Variants in CSMD3 observed in about 807,000 individuals in gnomAD.
The protein encoded by CSMD3 is CUB and Sushi multiple domains 3.
CSMD3 carries 177 observed loss-of-function variants against 435.2 expected under a neutral mutation model. The observed-to-expected ratio is 0.41, with a 90% confidence interval of 0.36 to 0.46. CSMD3 has a LOEUF of 0.46. CSMD3 is among the 20% of genes least tolerant of loss of function. The pLI is 0.34. For missense variants in CSMD3, 4,265 were observed against 4,504.6 expected, an observed-to-expected ratio of 0.95 and a Z score of 1.52; for synonymous variants, 1,656 against 1,520.5, an observed-to-expected ratio of 1.09 and a Z score of -2.07.
At chr8:112,363,419 T>C (rs1429059087) in intron 38 of CSMD3, among the ~76,000 whole-genome samples, 1 of 151,846 alleles carries the variant, frequency 6.6e-6, no homozygotes, top group Non-Finnish European at 1.5e-5. Context: ...TCTAGTAGTA[T>C]TAATACAAAA....
At chr8:113,038,161 C>T (rs561752915) in intron 5 of CSMD3, among the ~76,000 whole-genome samples, 7 of 151,858 alleles carry the variant, frequency 4.6e-5, no homozygotes, top group Non-Finnish European at 7.4e-5. Context: ...AGTCAACATA[C>T]GTATTACTTA....
At chr8:112,449,878 A>G (rs557106978) in intron 32 of CSMD3, among the ~76,000 whole-genome samples, 6 of 151,970 alleles carry the variant, frequency 3.9e-5, no homozygotes, top group Non-Finnish European at 8.8e-5. Context: ...ACCCGCCACC[A>G]CGCCTGGCTA....
At chr8:112,335,730 T>C (rs1824492106) in intron 44 of CSMD3, among the ~76,000 whole-genome samples, 3 of 142,398 alleles carry the variant, frequency 2.1e-5, no homozygotes, top group African/African-American at 7.8e-5. Context: ...ATCAATACAT[T>C]GTCTTTGTTT....
chr8:113,338,827 C>T (rs1415366032), intron 1 of CSMD3, among the ~76,000 whole-genome samples: 1 of 151,932 alleles, frequency 6.6e-6, no homozygotes, highest in Non-Finnish European at 1.5e-5. Flanking sequence ...TCTGAATATA[C>T]TGAAACTACT....
intron 4 of CSMD3, among the ~76,000 whole-genome samples, chr8:113,155,226 G>T (rs1363379380): frequency 1.3e-5 from 2 of 151,848 alleles, no homozygotes; most frequent in African/African-American, 4.8e-5. Context: ...TGTAAAAATC[G>T]CCCTAATCAA....
intron 32 of CSMD3, among the ~76,000 whole-genome samples, chr8:112,453,691 A>T (rs1816531927): frequency 6.6e-6 from 1 of 152,192 alleles, no homozygotes; most frequent in Non-Finnish European, 1.5e-5. Flanking sequence ...TATTGCCAAA[A>T]GCAATCTACA....
chr8:113,111,910 C>T (rs897581947), intron 4 of CSMD3, among the ~76,000 whole-genome samples: 1 of 151,962 alleles, frequency 6.6e-6, no homozygotes, highest in African/African-American at 2.4e-5. Context: ...GAACTCCTGA[C>T]CTCTAAACGA....
intron 13 of CSMD3, among the ~76,000 whole-genome samples, chr8:112,783,995 T>G (rs1002615391): frequency 6.6e-5 from 10 of 152,058 alleles, no homozygotes; most frequent in African/African-American, 2.4e-4. Flanking sequence ...CAATTATAGC[T>G]GGAGATTTAG....
At chr8:112,907,391 C>A (rs529038523) in intron 10 of CSMD3, among the ~76,000 whole-genome samples, 1 of 151,532 alleles carries the variant, frequency 6.6e-6, no homozygotes, top group South Asian at 2.1e-4. Flanking sequence ...GTGAAAATAA[C>A]ATAGAGCTGG....
chr8:112,520,348 T>A (rs1010109133), intron 27 of CSMD3, among the ~76,000 whole-genome samples: 6 of 152,046 alleles, frequency 3.9e-5, no homozygotes, highest in Non-Finnish European at 5.9e-5. Context: ...TAAAATGAGA[T>A]CTTAAGATCT....
At chr8:113,082,452 T>C (rs890554342) in intron 5 of CSMD3, among the ~76,000 whole-genome samples, 7 of 152,152 alleles carry the variant, frequency 4.6e-5, no homozygotes, top group African/African-American at 1.7e-4. Flanking sequence ...CAAAGCACTC[T>C]GTCCAACAGA....
chr8:113,427,290 T>C (rs932490305), intron 1 of CSMD3, among the ~76,000 whole-genome samples: 1 of 151,302 alleles, frequency 6.6e-6, no homozygotes, highest in African/African-American at 2.4e-5. Flanking sequence ...ATATCTATAT[T>C]CCCCCCAGTT....
At chr8:112,292,844 A>G (rs2130693439) in intron 54 of CSMD3, 134 bp from the exon 55 acceptor site, 4 of 772,704 alleles carry the variant, frequency 5.2e-6, no homozygotes, top group Non-Finnish European at 8.8e-6. Flanking sequence ...CTGGAAATAT[A>G]CGGAAAGTAC....
intron 1 of CSMD3, among the ~76,000 whole-genome samples, chr8:113,408,604 G>T (rs1199670145): frequency 6.6e-6 from 1 of 151,084 alleles, no homozygotes; most frequent in African/African-American, 2.4e-5. Context: ...AAAGGTGCAG[G>T]CAAAGAAGCA....
At chr8:113,157,230 T>G (rs2091952471) in intron 4 of CSMD3, among the ~76,000 whole-genome samples, 1 of 152,078 alleles carries the variant, frequency 6.6e-6, no homozygotes, top group Admixed American at 6.6e-5. Flanking sequence ...AAACCACACG[T>G]GGTACTTTAC....
chr8:113,186,981 T>C (rs571006840), intron 3 of CSMD3, among the ~76,000 whole-genome samples: 19 of 151,964 alleles, frequency 1.3e-4, no homozygotes, highest in Admixed American at 3.3e-4. Flanking sequence ...CTGGTTCCCA[T>C]TGGGGATTTT....
At chr8:113,018,972 T>C in intron 6 of CSMD3, 95 bp downstream of exon 6, 2 of 864,466 alleles carry the variant, frequency 2.3e-6, no homozygotes. Flanking sequence ...TTCCAATTTC[T>C]AAATGCTAAA....
At chr8:113,086,678 A>G (rs2131483831) in intron 5 of CSMD3, among the ~76,000 whole-genome samples, 1 of 152,278 alleles carries the variant, frequency 6.6e-6, no homozygotes, top group African/African-American at 2.4e-5. Context: ...TATGCTAATT[A>G]AGAATATGAG....
At chr8:113,244,243 G>C (rs1252602002) in intron 3 of CSMD3, among the ~76,000 whole-genome samples, 2 of 152,136 alleles carry the variant, frequency 1.3e-5, no homozygotes, top group Non-Finnish European at 2.9e-5. Context: ...CAAAGTCAAG[G>C]ATATATATGA....
Sources: gnomAD v4.1 joint callset for allele counts (sites outside exome capture counted in the v4.1 genomes callset) on GRCh38, gnomAD v4.1.1 for gene constraint, MANE v1.5 for transcripts, NCBI Gene and HGNC (gene_info 2026-07-23, HGNC 2026-07-21) for gene names.